Variants in BTBD9 observed in about 807,000 individuals in gnomAD.
The protein encoded by BTBD9 is BTB domain containing 9.
Under a neutral mutation model 64.3 loss-of-function variants are expected in BTBD9, and 49 were observed. The observed-to-expected ratio is 0.76, with a 90% CI of 0.61 to 0.97. BTBD9 has a LOEUF of 0.97. BTBD9 is among the 50% of genes least tolerant of loss of function. The pLI, the probability that BTBD9 is intolerant of heterozygous loss-of-function variation, is 0.00. For missense variants in BTBD9, 598 were observed against 762.1 expected (o/e 0.78, Z 2.53); for synonymous variants, 260 against 274.7 (o/e 0.95, Z 0.53).
At chr6:38,328,846 C>T (rs1763551970) in intron 7 of BTBD9, among the ~76,000 whole-genome samples, 1 of 151,600 alleles carries the variant, frequency 6.6e-6, no homozygotes, top group Admixed American at 6.6e-5. Context: ...ACTTGGGAGA[C>T]TGAGGCAGGC....
At chr6:38,321,490 C>T (rs1763228194) in intron 7 of BTBD9, among the ~76,000 whole-genome samples, 1 of 152,164 alleles carries the variant, frequency 6.6e-6, no homozygotes, top group Admixed American at 6.5e-5. Flanking sequence ...GGAAGCAGCC[C>T]ATCCATTCGG....
At chr6:38,318,963 C>A (rs1044458137) in intron 7 of BTBD9, among the ~76,000 whole-genome samples, 1 of 152,242 alleles carries the variant, frequency 6.6e-6, no homozygotes, top group African/African-American at 2.4e-5. Context: ...ACTGCGACTA[C>A]GCTGGCAGTG....
Position 38,212,757 on chromosome 6 carries a change from T to A in BTBD9, c.1563-20160A>T, listed in dbSNP as rs188404315. 7.9e-5 allele frequency among the ~76,000 whole-genome samples: 12 copies of A among 152,164 alleles called. 1 individual carries two copies. The East Asian group carries it at 2.3e-3, about 29-fold the overall frequency. On this transcript the variant is annotated intron_variant, in intron 9 of 10. Transcript: ENST00000481247. ...ATGACGTCAGCAGCTCCTTTCAGCCTGTGAGGAGGGCAGGTGAGCTCTGAA... is the reference window on the plus strand; with the variant it reads ...ATGACGTCAGCAGCTCCTTTCAGCCAGTGAGGAGGGCAGGTGAGCTCTGAA...
Position 38,450,516 on chromosome 6 carries a change from T to C in BTBD9, c.1155-105423A>G, listed in dbSNP as rs1329371261. Among the ~76,000 whole-genome samples, 3 of 152,114 alleles carry C rather than the reference T, an allele frequency of 2.0e-5. No individual in the cohort carries two copies. The East Asian group carries it at 5.8e-4, about 29-fold the overall frequency. The stretch of plus-strand genomic sequence containing the variant: ...ATACTTCAAAACATCATGTTGTACA[T>C]GATAAATACAAACAATTTTATGGGT... On this transcript the variant is annotated intron_variant, in intron 6 of 10. Coordinates refer to ENST00000481247, the MANE Select transcript of BTBD9 (RefSeq NM_001099272.2).
At chr6:38,571,372 A>G (rs1336289608) in intron 6 of BTBD9, among the ~76,000 whole-genome samples, 2 of 152,232 alleles carry the variant, frequency 1.3e-5, no homozygotes, top group Non-Finnish European at 2.9e-5. Context: ...CAGGGAAAGA[A>G]TGCTTCCATA....
At chr6:38,496,178 T>G (rs1025557165) in intron 6 of BTBD9, among the ~76,000 whole-genome samples, 2 of 152,266 alleles carry the variant, frequency 1.3e-5, no homozygotes, top group African/African-American at 4.8e-5. Flanking sequence ...CTTTCACACA[T>G]GACTCACACG....
chr6:38,298,414 C>T (rs1373839111), intron 7 of BTBD9, among the ~76,000 whole-genome samples: 3 of 152,076 alleles, frequency 2.0e-5, no homozygotes, highest in African/African-American at 2.4e-5. Context: ...TTATGGAGTA[C>T]ATGTGATATT....
chr6:38,213,729 CCCA>C (rs1762912799), intron 9 of BTBD9, among the ~76,000 whole-genome samples: 5 of 152,238 alleles, frequency 3.3e-5, no homozygotes, highest in African/African-American at 7.2e-5. Flanking sequence ...CGCCTGTAAT[CCCA>C]GCACTTTGGG....
chr6:38,349,189 C>T (rs1764404547), intron 6 of BTBD9, among the ~76,000 whole-genome samples: 1 of 152,078 alleles, frequency 6.6e-6, no homozygotes, highest in Admixed American at 6.5e-5. Context: ...CACCTGACCC[C>T]CAAATTTTTT....
intron 6 of BTBD9, among the ~76,000 whole-genome samples, chr6:38,406,875 C>G (rs1767190878): frequency 6.6e-6 from 1 of 152,140 alleles, no homozygotes; most frequent in Non-Finnish European, 1.5e-5. Flanking sequence ...GTAGCTGGGA[C>G]TATAAGCGAG....
chr6:38,504,562 A>C (rs1304357899), intron 6 of BTBD9: 2 of 456,730 alleles, frequency 4.4e-6, no homozygotes, highest in Admixed American at 4.7e-5. Flanking sequence ...TCTCTCATAA[A>C]CTGCGGGTGA....
At chr6:38,328,781 A>G (rs958532450) in intron 7 of BTBD9, among the ~76,000 whole-genome samples, 5 of 151,936 alleles carry the variant, frequency 3.3e-5, no homozygotes, top group African/African-American at 1.2e-4. Context: ...CCCCGTCTCC[A>G]TTAAAAATAC....
At chr6:38,580,139 T>A in intron 5 of BTBD9, 79 bp downstream of exon 5, 2 of 1,364,566 alleles carry the variant, frequency 1.5e-6, no homozygotes, top group South Asian at 1.3e-5. Flanking sequence ...CCATCATATC[T>A]GTAAAACAAA....
intron 7 of BTBD9, among the ~76,000 whole-genome samples, chr6:38,341,821 A>G (rs1419932453): frequency 6.6e-6 from 1 of 152,224 alleles, no homozygotes; most frequent in Non-Finnish European, 1.5e-5. Flanking sequence ...AGAGGCAGCC[A>G]CCAAATGAGA....
chr6:38,226,209 G>C (rs888636207), intron 9 of BTBD9, among the ~76,000 whole-genome samples: 1 of 152,186 alleles, frequency 6.6e-6, no homozygotes, highest in African/African-American at 2.4e-5. Flanking sequence ...AGGGGGGTGG[G>C]AGTGTGAAAC....
chr6:38,435,603 C>T (rs1481137551), intron 6 of BTBD9, among the ~76,000 whole-genome samples: 2 of 6,338 alleles, frequency 3.2e-4, no homozygotes, highest in African/African-American at 1.0e-3. Context: ...TTTTCCCTCC[C>T]TTCCTTCCTT....
At chr6:38,585,372 G>A (rs1295726941) in intron 4 of BTBD9, among the ~76,000 whole-genome samples, 1 of 152,122 alleles carries the variant, frequency 6.6e-6, no homozygotes, top group Non-Finnish European at 1.5e-5. Context: ...GTGGTGGGAT[G>A]ATTATAGCTC....
intron 1 of BTBD9, among the ~76,000 whole-genome samples, chr6:38,636,001 A>T (rs1210969473): frequency 1.3e-5 from 2 of 152,216 alleles, no homozygotes; most frequent in East Asian, 3.9e-4. Flanking sequence ...TACTATCTCT[A>T]CATCTATAAC....
At chr6:38,302,485 G>GTGTATATATATATATA (rs1554137022) in intron 7 of BTBD9, among the ~76,000 whole-genome samples, 15 of 106,906 alleles carry the variant, frequency 1.4e-4, no homozygotes, top group Non-Finnish European at 1.1e-4. Flanking sequence ...TTGTGTGTAT[G>GTGTATATATATATATA]TATATATATA....
Sources: gnomAD v4.1 joint callset for allele counts (sites outside exome capture counted in the v4.1 genomes callset) on GRCh38, gnomAD v4.1.1 for gene constraint, MANE v1.5 for transcripts, NCBI Gene and HGNC (gene_info 2026-07-23, HGNC 2026-07-21) for gene names.